Variants in MINDY3 observed in about 807,000 individuals in gnomAD.
MINDY3 encodes the protein ubiquitin carboxyl-terminal hydrolase MINDY-3.
A neutral mutation model predicts 69.2 loss-of-function variants in MINDY3; 38 were observed. That is an observed-to-expected ratio of 0.55 (90% confidence interval 0.42 to 0.72). The LOEUF is 0.72. MINDY3 is among the 30% of genes least tolerant of loss of function. The pLI is 0.00. For missense variants in MINDY3, 522 were observed against 519.0 expected (o/e 1.01, Z -0.06); for synonymous variants, 192 against 180.1 (o/e 1.07, Z -0.53).
Position 15,860,055 on chromosome 10 carries a change from G to C in MINDY3, c.94+151C>G, listed in dbSNP as rs1834984682. The C allele has an allele frequency of 4.7e-6, 3 of 636,382 alleles. No homozygotes were observed. In the East Asian group the frequency reaches 8.2e-5, roughly 17 times the overall value. 39.4% of individuals were successfully genotyped at this position (636,382 alleles called of 1,614,324 possible). A position where few individuals can be genotyped will look rare whatever the true frequency, so the allele number is the denominator to read the frequency against. The stretch of plus-strand genomic sequence containing the variant: ...AACTCTCCCCACCAAGGCAAGGCAG[G>C]GCGTGTCTAGAAAGTCCAGCTTCAG... On this transcript the variant is annotated intron_variant, in intron 1 of 14. Coordinates refer to ENST00000277632, the MANE Select transcript of MINDY3 (RefSeq NM_024948.4).
At chr10:15,785,348 T>C (rs574487539) in intron 13 of MINDY3, among the ~76,000 whole-genome samples, 1 of 152,216 alleles carries the variant, frequency 6.6e-6, no homozygotes, top group South Asian at 2.1e-4. Flanking sequence ...ACCTAAAAAA[T>C]TACTACAAGT....
chr10:15,829,918 A>C (rs1840343800), intron 8 of MINDY3, among the ~76,000 whole-genome samples: 1 of 152,162 alleles, frequency 6.6e-6, no homozygotes, highest in African/African-American at 2.4e-5. Flanking sequence ...CAGAGGCATA[A>C]ACTAACTGGT....
At chr10:15,798,806 A>C (rs1193996884) in intron 10 of MINDY3, among the ~76,000 whole-genome samples, 1 of 152,060 alleles carries the variant, frequency 6.6e-6, no homozygotes, top group Non-Finnish European at 1.5e-5. Context: ...ACAAAAAACC[A>C]CTATGCCAAC....
chr10:15,802,297 G>A (rs1445831950), intron 10 of MINDY3, among the ~76,000 whole-genome samples: 2 of 152,072 alleles, frequency 1.3e-5, no homozygotes, highest in African/African-American at 4.8e-5. Flanking sequence ...CTGAGGTGGG[G>A]TAATTTATAA....
In MINDY3 at chr10:15,837,213, T is replaced by C. The variant is rs1833141711; in HGVS notation, c.567A>G (p.Leu189=). The change falls in exon 6 of 15, where the codon TTA becomes TTG. Residue 189 remains leucine (L), a synonymous_variant. Transcript: ENST00000277632. ...FGVLLFLYSV[L]LTKGIENIKN... ...ATCTTCTTGAACACACCTTTGTCAGTAATACAGAATACAGAAAAAGCAATA... is the reference window on the plus strand; with the variant it reads ...ATCTTCTTGAACACACCTTTGTCAGCAATACAGAATACAGAAAAAGCAATA... The C allele has an allele frequency of 6.3e-7, 1 of 1,580,704 alleles. No homozygotes were observed. Among genetic ancestry groups the C allele is most frequent in the Admixed American group, 1.7e-5 (1 of 58,458 alleles).
At chr10:15,852,376 G>A (rs777889245) in intron 1 of MINDY3, among the ~76,000 whole-genome samples, 2 of 152,198 alleles carry the variant, frequency 1.3e-5, no homozygotes, top group Admixed American at 6.5e-5. Flanking sequence ...AATCGGAGAT[G>A]TAAGTGTGTA....
intron 10 of MINDY3, among the ~76,000 whole-genome samples, chr10:15,802,399 C>T (rs1181843916): frequency 6.6e-6 from 1 of 152,088 alleles, no homozygotes; most frequent in Non-Finnish European, 1.5e-5. Flanking sequence ...AAGCAAGCAC[C>T]TTCTTCACAA....
intron 14 of MINDY3, among the ~76,000 whole-genome samples, chr10:15,781,679 T>C (rs758603311): frequency 1.4e-4 from 21 of 152,128 alleles, no homozygotes; most frequent in Non-Finnish European, 4.4e-5. Flanking sequence ...AATGGAGATA[T>C]ACAGACAACA....
intron 8 of MINDY3, among the ~76,000 whole-genome samples, chr10:15,825,399 G>A (rs544180151): frequency 1.8e-4 from 28 of 152,106 alleles, no homozygotes; most frequent in South Asian, 1.5e-3. Flanking sequence ...TATCAGAGAC[G>A]GTGTCTTGCC....
chr10:15,791,626 G>A (rs1217081361), intron 11 of MINDY3, among the ~76,000 whole-genome samples: 1 of 151,974 alleles, frequency 6.6e-6, no homozygotes, highest in Non-Finnish European at 1.5e-5. Context: ...TGGCTGAAAG[G>A]AGGAAAAAAG....
chr10:15,813,232 C>T (rs1015064661), intron 10 of MINDY3, among the ~76,000 whole-genome samples: 36 of 152,258 alleles, frequency 2.4e-4, no homozygotes, highest in African/African-American at 8.7e-4. Flanking sequence ...CTTCATCTTA[C>T]ACCTTGTCCC....
At chr10:15,848,417 G>A (rs569661498) in intron 1 of MINDY3, among the ~76,000 whole-genome samples, 492 of 151,842 alleles carry the variant, frequency 3.2e-3, no homozygotes, top group Non-Finnish European at 5.7e-3. Context: ...GGCGGATCAC[G>A]AGGTCAGGAG....
chr10:15,836,796 GAAAAC>G, intron 6 of MINDY3, among the ~76,000 whole-genome samples: 2 of 150,910 alleles, frequency 1.3e-5, no homozygotes, highest in South Asian at 4.2e-4. Flanking sequence ...AGCTATCAAA[GAAAAC>G]AAAACAAAAT....
chr10:15,845,813 ATTTTT>A (rs891710697), intron 2 of MINDY3, among the ~76,000 whole-genome samples: 22 of 49,304 alleles, frequency 4.5e-4, no homozygotes, highest in African/African-American at 1.9e-3. Context: ...GGCCTATGTG[ATTTTT>A]TTTTTTTTTT....
At chr10:15,809,349 A>G (rs1299997605) in intron 10 of MINDY3, among the ~76,000 whole-genome samples, 3 of 152,206 alleles carry the variant, frequency 2.0e-5, no homozygotes, top group Non-Finnish European at 4.4e-5. Flanking sequence ...ATTAAGGAAA[A>G]ACAATTCAAA....
chr10:15,831,382 C>A (rs1223234886), intron 8 of MINDY3, among the ~76,000 whole-genome samples: 1 of 152,104 alleles, frequency 6.6e-6, no homozygotes, highest in South Asian at 2.1e-4. Context: ...GTATTTTTCT[C>A]ATTTTTAAGT....
intron 10 of MINDY3, among the ~76,000 whole-genome samples, chr10:15,797,185 A>C (rs1450833519): frequency 6.6e-6 from 1 of 152,126 alleles, no homozygotes; most frequent in Admixed American, 6.6e-5. Flanking sequence ...AGGAGTTCTA[A>C]CTGAGCCATG....
chr10:15,831,322 CTA>C (rs1331836876), intron 8 of MINDY3, among the ~76,000 whole-genome samples: 1 of 152,098 alleles, frequency 6.6e-6, no homozygotes, highest in Non-Finnish European at 1.5e-5. Flanking sequence ...AAAATGTGTA[CTA>C]TGTGTTATCC....
chr10:15,840,948 A>G (rs980692386), intron 4 of MINDY3, among the ~76,000 whole-genome samples: 2 of 151,626 alleles, frequency 1.3e-5, no homozygotes, highest in Non-Finnish European at 3.0e-5. Flanking sequence ...AAAATAATCT[A>G]TATGTATAAA....
Sources: allele counts gnomAD v4.1 joint callset (sites outside exome capture counted in the v4.1 genomes callset), GRCh38; gene constraint gnomAD v4.1.1; transcripts MANE v1.5; gene names NCBI Gene and HGNC (gene_info 2026-07-23, HGNC 2026-07-21).